The following BLTP1 variants were observed in gnomAD, a reference collection of about 807,000 sequenced individuals.
BLTP1 encodes fragile site-associated protein.
chr4:122,171,806 A>G, the BLTP1 span: 1 of 984,402 alleles, frequency 1.0e-6, no homozygotes, highest in African/African-American at 1.7e-5. Flanking sequence ...TAAGAAAAAA[A>G]CAACAATAAC....
the BLTP1 span, chr4:122,288,663 A>G: frequency 9.2e-6 from 1 of 108,274 alleles, no homozygotes; most frequent in Non-Finnish European, 1.6e-5. Context: ...AAATAAATAA[A>G]TAAATAAATA....
At chr4:122,204,077 A>C in the BLTP1 span, among the ~76,000 whole-genome samples, 5,457 of 152,008 alleles carry the variant, frequency 0.036, 343 homozygotes, top group African/African-American at 0.12. Context: ...CAAAACAAAC[A>C]TTAAATATGA....
At chr4:122,298,518 T>A in the BLTP1 span, 78 of 293,606 alleles carry the variant, frequency 2.7e-4, no homozygotes, top group Middle Eastern at 1.7e-3. Context: ...AACCGTATCT[T>A]AGAAAATATA....
At chr4:122,242,193 A>G in the BLTP1 span, among the ~76,000 whole-genome samples, 1 of 152,348 alleles carries the variant, frequency 6.6e-6, no homozygotes. Context: ...TTACAGGAGT[A>G]TTCACAATAG....
chr4:122,231,721 T>C, the BLTP1 span: 2 of 976,436 alleles, frequency 2.0e-6, no homozygotes, highest in Admixed American at 1.2e-4. Flanking sequence ...CTGGATTTTA[T>C]ATGGGGTGCA....
the BLTP1 span, chr4:122,205,940 CA>C: frequency 1.0e-6 from 1 of 984,720 alleles, no homozygotes; most frequent in Non-Finnish European, 1.2e-6. Context: ...GCATGTAAAA[CA>C]TTGTGGAGGC....
chr4:122,264,407 G>A, the BLTP1 span: 8 of 1,607,432 alleles, frequency 5.0e-6, no homozygotes, highest in Non-Finnish European at 6.8e-6. Context: ...GTTTCCTGCT[G>A]TTCAGCTTGC....
chr4:122,254,104 GA>G, the BLTP1 span: 1 of 1,202,850 alleles, frequency 8.3e-7, no homozygotes, highest in Non-Finnish European at 1.2e-6. Flanking sequence ...TTGATTTGAT[GA>G]AAAGGTTTTG....
chr4:122,288,947 T>C, the BLTP1 span: 1 of 1,020,638 alleles, frequency 9.8e-7, no homozygotes, highest in Non-Finnish European at 1.4e-6. Flanking sequence ...GCTGAATATT[T>C]TTAACTTTTC....
the BLTP1 span, chr4:122,359,405 T>TA: frequency 3.0e-6 from 4 of 1,341,334 alleles, no homozygotes; most frequent in Admixed American, 1.3e-4. Flanking sequence ...AATTGGTACT[T>TA]ATGGCTTATT....
At chr4:122,263,081 A>C in the BLTP1 span, 6 of 1,396,100 alleles carry the variant, frequency 4.3e-6, no homozygotes, top group African/African-American at 8.7e-5. Flanking sequence ...TTGGTAGTAC[A>C]ACTAATCTCT....
chr4:122,287,587 A>C, the BLTP1 span: 1 of 985,380 alleles, frequency 1.0e-6, no homozygotes, highest in Non-Finnish European at 1.2e-6. Context: ...AACTTTATGA[A>C]AAAGCAATGT....
the BLTP1 span, among the ~76,000 whole-genome samples, chr4:122,173,418 T>C: frequency 2.6e-5 from 4 of 152,146 alleles, no homozygotes; most frequent in South Asian, 2.1e-4. Context: ...CTCAGGTCTC[T>C]TTTTCCTCTT....
chr4:122,312,241 G>T, the BLTP1 span, among the ~76,000 whole-genome samples: 1 of 152,096 alleles, frequency 6.6e-6, no homozygotes, highest in Non-Finnish European at 1.5e-5. Flanking sequence ...TCACTATGTT[G>T]CCCAGGCTGG....
the BLTP1 span, chr4:122,361,906 AT>A: frequency 9.3e-7 from 1 of 1,073,808 alleles, no homozygotes; most frequent in East Asian, 2.7e-5. Context: ...ATTTATACAA[AT>A]GTACCTACTG....
the BLTP1 span, chr4:122,200,297 G>A: frequency 3.8e-5 from 37 of 984,468 alleles, no homozygotes; most frequent in African/African-American, 1.2e-4. Context: ...GCCAAACTGC[G>A]CAGGATGTGG....
the BLTP1 span, among the ~76,000 whole-genome samples, chr4:122,163,182 G>T: frequency 6.6e-6 from 1 of 152,100 alleles, no homozygotes; most frequent in East Asian, 1.9e-4. Flanking sequence ...TAGTTTATTG[G>T]GAAATGATCA....
the BLTP1 span, chr4:122,224,232 T>C: frequency 2.4e-6 from 1 of 418,032 alleles, no homozygotes; most frequent in Non-Finnish European, 3.2e-6. Flanking sequence ...ATAAAGGCAG[T>C]TACCAATCAG....
chr4:122,290,871 A>G, the BLTP1 span: 1 of 159,304 alleles, frequency 6.3e-6, no homozygotes, highest in Non-Finnish European at 1.3e-5. Context: ...ATATTATATA[A>G]CATACTATAT....
Sources: allele counts gnomAD v4.1 joint callset (sites outside exome capture counted in the v4.1 genomes callset), GRCh38; gene constraint gnomAD v4.1.1; transcripts MANE v1.5; gene names NCBI Gene and HGNC (gene_info 2026-07-23, HGNC 2026-07-21).